VPS8: variants seen among roughly 807,000 people sequenced by gnomAD.
VPS8 encodes vacuolar protein sorting-associated protein 8 homolog.
In VPS8, 129 loss-of-function variants were observed where a neutral mutation model predicts 216.4. That is an observed-to-expected ratio of 0.60 (90% CI 0.52 to 0.69). The LOEUF (loss-of-function observed/expected upper bound fraction) is 0.69. Ranked by LOEUF, VPS8 falls within the 30% of genes least tolerant of loss-of-function variation. The probability of loss-of-function intolerance (pLI) is 0.00; values close to 1 mark genes in which losing one functional copy is unlikely to be tolerated. For missense variants in VPS8, 1,531 were observed against 1,683.5 expected, an observed-to-expected ratio of 0.91 and a Z score of 1.59; for synonymous variants, 571 against 565.4, an observed-to-expected ratio of 1.01 and a Z score of -0.14.
At chr3:184,841,649 G>C (rs1722161122) in intron 7 of VPS8, among the ~76,000 whole-genome samples, 2 of 152,284 alleles carry the variant, frequency 1.3e-5, no homozygotes, top group Middle Eastern at 3.4e-3. Context: ...CCCTAGAAAA[G>C]TTCTGTCAGC....
intron 43 of VPS8, 64 bp downstream of exon 43, chr3:184,994,127 T>A: frequency 8.1e-7 from 1 of 1,238,840 alleles, no homozygotes; most frequent in Non-Finnish European, 1.1e-6. Context: ...TTTTTTTAAT[T>A]TTGTACCTAT....
intron 21 of VPS8, among the ~76,000 whole-genome samples, chr3:184,878,627 T>C (rs1390195078): frequency 6.6e-6 from 1 of 152,188 alleles, no homozygotes; most frequent in Non-Finnish European, 1.5e-5. Flanking sequence ...ATACCTCCTC[T>C]GAGAAGATTT....
Position 184,984,194 on chromosome 3 carries a change from A to AAAAAAAAAAAAAAAAAAAATCACCAAG in VPS8, c.3585+1100_3585+1101insAAAAAAAAAAAAAAAAAAATCACCAAG. Among the ~76,000 whole-genome samples the AAAAAAAAAAAAAAAAAAAATCACCAAG allele has an allele frequency of 1.3e-4, 6 of 46,526 alleles. 3 individuals carry two copies. The highest frequency in any genetic ancestry group is 4.0e-4 in the African/African-American group (6 of 14,854). 30.5% of individuals were successfully genotyped at this position (46,526 alleles called of 152,430 possible). A position where few individuals can be genotyped will look rare whatever the true frequency, so the allele number is the denominator to read the frequency against. ...GCGAGACTCCGTCTCAAAAAAAAAA[A>AAAAAAAAAAAAAAAAAAAATCACCAAG]CTCTACTTCCCATCTGATATTAAGC... On this transcript the variant is annotated intron_variant, in intron 42 of 47. Coordinates refer to ENST00000625842, the MANE Select transcript of VPS8 (RefSeq NM_001009921.3).
chr3:185,044,550 G>T (rs1462560360), intron 46 of VPS8, among the ~76,000 whole-genome samples: 1 of 152,008 alleles, frequency 6.6e-6, no homozygotes, highest in Non-Finnish European at 1.5e-5. Context: ...TTTCCCCTGT[G>T]CTGTGAACGG....
At chr3:184,902,536 T>C (rs1253601359) in intron 25 of VPS8, among the ~76,000 whole-genome samples, 1 of 150,742 alleles carries the variant, frequency 6.6e-6, no homozygotes, top group Non-Finnish European at 1.5e-5. Flanking sequence ...GCTATTCTGT[T>C]TAAGAAATCT....
chr3:184,854,090 T>C (rs547123914), intron 12 of VPS8, 24 bp from the exon 13 acceptor site: 1 of 1,613,564 alleles, frequency 6.2e-7, no homozygotes, highest in Non-Finnish European at 8.5e-7. Context: ...AGGTCAATAT[T>C]GAAAACATAT....
chr3:184,950,736 G>A (rs1334515241), intron 36 of VPS8, among the ~76,000 whole-genome samples: 1 of 151,882 alleles, frequency 6.6e-6, no homozygotes, highest in African/African-American at 2.4e-5. Context: ...CCCTCCAACA[G>A]GCCCTGGTAT....
At chr3:184,948,237 A>C (rs1744044253) in intron 36 of VPS8, among the ~76,000 whole-genome samples, 1 of 149,706 alleles carries the variant, frequency 6.7e-6, no homozygotes, top group Non-Finnish European at 1.5e-5. Flanking sequence ...TTTTTTTTTA[A>C]ATCTGCTTTG....
intron 8 of VPS8, among the ~76,000 whole-genome samples, chr3:184,847,082 A>G (rs1424504840): frequency 6.6e-6 from 1 of 152,248 alleles, no homozygotes; most frequent in African/African-American, 2.4e-5. Flanking sequence ...ATGTGAATAA[A>G]GACAGTAACT....
intron 30 of VPS8, 52 bp downstream of exon 30, chr3:184,925,033 A>G (rs1739328544): frequency 6.4e-7 from 1 of 1,559,506 alleles, no homozygotes; most frequent in African/African-American, 1.4e-5. Context: ...TACTGCGCAC[A>G]GTTCCCTGGA....
At chr3:184,921,636 C>T (rs775703807) in intron 29 of VPS8, among the ~76,000 whole-genome samples, 12 of 152,008 alleles carry the variant, frequency 7.9e-5, no homozygotes, top group East Asian at 1.9e-4. Flanking sequence ...TGCAGTGGCA[C>T]GATCTCAGCT....
chr3:185,035,351 A>G (rs905850424), intron 46 of VPS8, among the ~76,000 whole-genome samples: 2 of 152,160 alleles, frequency 1.3e-5, no homozygotes, highest in Admixed American at 1.3e-4. Flanking sequence ...TAGATGCAAA[A>G]ATCCTCAACA....
rs577775426 is a variant in VPS8 at position 184,855,754 on chromosome 3, C to T, written c.1079C>T (p.Ala360Val). The change falls in exon 14 of 48, where the codon GCA becomes GTA. Residue 360 changes from alanine to valine, a missense_variant. Ala to Val is a moderately conservative substitution (Grantham distance 64). Around this residue, in one of 3 missense-constraint regions of VPS8, gnomAD observed 1,318 missense variants for 1,468.4 expected, o/e 0.90. Transcript: ENST00000625842. ...SVPLLAWHFV[A>V]VQNYVNPMLA... ...CCACTGCTGGCCTGGCACTTTGTAG[C>T]AGTACAAAATTACGTGAATCCCATG... is the stretch of plus-strand genomic sequence containing the variant. 6 of 1,613,648 alleles carry T rather than the reference C, an allele frequency of 3.7e-6. No individual in the cohort carries two copies. In the East Asian group the frequency reaches 8.9e-5, roughly 24 times the overall value.
chr3:184,842,067 C>G (rs569649781), intron 7 of VPS8, among the ~76,000 whole-genome samples: 9 of 151,478 alleles, frequency 5.9e-5, no homozygotes, highest in South Asian at 4.2e-4. Flanking sequence ...CTTTAACATC[C>G]CTTTCTTGTC....
chr3:184,869,004 C>T lies in VPS8; in HGVS notation c.1565C>T (p.Ser522Phe). 6.2e-7 allele frequency: 1 copy of T among 1,610,068 alleles called. No homozygotes were observed. The highest frequency in any genetic ancestry group is 8.5e-7 in the Non-Finnish European group (1 of 1,178,250). Residue 522 changes from serine to phenylalanine, a missense_variant, in exon 19 of 48, where the codon TCT becomes TTT. Physicochemically the swap from Ser to Phe is radical, Grantham distance 155. This residue lies in a region of VPS8 where 1,318 missense variants were observed against 1,468.4 expected (regional missense o/e 0.90). Coordinates refer to ENST00000625842, the MANE Select transcript of VPS8 (RefSeq NM_001009921.3). ...ACAGAAGCGTTGGCTCTTGCGTGGT[C>T]TTTCCATGAAGGAAAAGCAAAAGCA... The part of the protein sequence containing the change: ...CLTEALALAW[S>F]FHEGKAKAVV...
At position 184,854,160 on chromosome 3, in the gene VPS8, T is replaced by C. The variant is rs763989108; in HGVS notation, c.1022T>C (p.Phe341Ser). Residue 341 changes from phenylalanine to serine, a missense_variant, in exon 13 of 48, where the codon TTT becomes TCT. Transcript: ENST00000625842. ...CCATCCTTGAAAGTATGGATGACTT[T>C]TCCCTATGGCCGGGTGAGTACGTCC... ...LKPSLKVWMT[F>S]PYGRMDPSSV... 1 of 1,613,790 alleles carries C rather than the reference T, an allele frequency of 6.2e-7. No homozygotes were observed. The highest frequency in any genetic ancestry group is 1.7e-5 in the Admixed American group (1 of 59,976).
chr3:184,836,262 T>TA, intron 5 of VPS8: 1 of 456,758 alleles, frequency 2.2e-6, no homozygotes, highest in Non-Finnish European at 4.4e-6. Context: ...GAGTAACTCA[T>TA]ATTTGCTAGA....
At chr3:184,886,336 A>AT (rs1731222931) in intron 22 of VPS8, among the ~76,000 whole-genome samples, 180 bp downstream of exon 22, 1 of 152,212 alleles carries the variant, frequency 6.6e-6, no homozygotes, top group Admixed American at 6.5e-5. Context: ...TCCCTAAGAC[A>AT]GATGCTATGG....
intron 8 of VPS8, among the ~76,000 whole-genome samples, chr3:184,844,674 C>G (rs1272314226): frequency 6.6e-6 from 1 of 152,124 alleles, no homozygotes; most frequent in Admixed American, 6.5e-5. Flanking sequence ...TGTGACTTTT[C>G]TTTGCTATTC....
Sources: gnomAD v4.1 joint callset for allele counts (sites outside exome capture counted in the v4.1 genomes callset) on GRCh38, gnomAD v4.1.1 for gene constraint, gnomAD v4.1.1 regional missense constraint, MANE v1.5 for transcripts, NCBI Gene and HGNC (gene_info 2026-07-23, HGNC 2026-07-21) for gene names.